Variants in PTPRN2 observed in about 807,000 individuals in gnomAD.
PTPRN2 encodes the protein protein tyrosine phosphatase receptor type N2, also known as receptor-type tyrosine-protein phosphatase N2.
Under a neutral mutation model 118.8 loss-of-function variants are expected in PTPRN2, and 74 were observed. The observed-to-expected ratio is 0.62, with a 90% CI of 0.52 to 0.76. The LOEUF (loss-of-function observed/expected upper bound fraction) is 0.76. PTPRN2 is among the 30% of genes least tolerant of loss of function. The pLI is 0.00. For missense variants in PTPRN2, 1,481 were observed against 1,394.4 expected, an observed-to-expected ratio of 1.06 and a Z score of -0.99; for synonymous variants, 641 against 608.0, an observed-to-expected ratio of 1.05 and a Z score of -0.80.
At chr7:157,919,245 C>G (rs753551615) in intron 11 of PTPRN2, among the ~76,000 whole-genome samples, 2 of 152,106 alleles carry the variant, frequency 1.3e-5, no homozygotes, top group African/African-American at 2.4e-5. Context: ...ATTCTCTAAG[C>G]AAAATCTAAT....
chr7:158,413,254 G>A (rs1356822121), intron 2 of PTPRN2, among the ~76,000 whole-genome samples: 1 of 152,234 alleles, frequency 6.6e-6, no homozygotes, highest in East Asian at 1.9e-4. Flanking sequence ...GCCAAAGTTG[G>A]GTTCAAGATC....
chr7:158,263,021 GCACA>G lies in PTPRN2; in HGVS notation c.277+53794_277+53797del, dbSNP rs150740428. Among the ~76,000 whole-genome samples, 463 of 139,748 alleles carry G rather than the reference GCACA, an allele frequency of 3.3e-3. 4 individuals are homozygous for G. The highest frequency in any genetic ancestry group is 0.012 in the African/African-American group (435 of 35,544). 91.7% of individuals were successfully genotyped at this position (139,748 alleles called of 152,430 possible). A position where few individuals can be genotyped will look rare whatever the true frequency, so the allele number is the denominator to read the frequency against. On this transcript the variant is annotated intron_variant, in intron 3 of 22. Coordinates refer to ENST00000389418, the MANE Select transcript of PTPRN2 (RefSeq NM_002847.5). ...TTGCACACACACATTCACACACAGT[GCACA>G]CATACATATTCACAAAATGCACATA...
At position 157,763,369 on chromosome 7, in the gene PTPRN2, C is replaced by T. The variant is rs546743682; in HGVS notation, c.1789-80432G>A. 1.3e-5 allele frequency among the ~76,000 whole-genome samples: 2 copies of T among 152,340 alleles called. No homozygotes were observed. Among genetic ancestry groups the T allele is most frequent in the South Asian group, 2.1e-4 (1 of 4,830 alleles). On this transcript the variant is annotated intron_variant, in intron 12 of 22. Coordinates refer to ENST00000389418, the MANE Select transcript of PTPRN2 (RefSeq NM_002847.5). This position sits in a 1 kb window ranked among gnomAD's most constrained non-coding sequence, Gnocchi z 4.9. ...CACAGACTCCAGCTCTCCAGAGGCC[C>T]AAGACAGCCTGCCCCAGTCACTGTG...
intron 20 of PTPRN2, among the ~76,000 whole-genome samples, chr7:157,571,043 A>G (rs221297): frequency 0.95 from 144,989 of 152,030 alleles, 69,269 homozygotes; most frequent in Middle Eastern, 1. Flanking sequence ...TCAGGAGTTC[A>G]AGACCAGCCT....
intron 6 of PTPRN2, among the ~76,000 whole-genome samples, chr7:158,164,237 C>A (rs1296129766): frequency 6.6e-6 from 1 of 151,486 alleles, no homozygotes; most frequent in Non-Finnish European, 1.5e-5. Flanking sequence ...GAAGGGCTCG[C>A]AGAGCAGGAG....
rs1341979597 is a variant in PTPRN2, at chr7:157,988,094, G to A, written c.1724-89357C>T. On this transcript the variant is annotated intron_variant, in intron 11 of 22. Transcript: ENST00000389418. ...AGGGTCAAAGCTGCCTCATGCAGAC[G>A]GAGAGGAGAAGCTGCGTTCCCTGCC... 4.6e-5 allele frequency among the ~76,000 whole-genome samples: 7 copies of A among 152,290 alleles called. No homozygotes were observed. In the East Asian group the frequency reaches 9.7e-4, roughly 21 times the overall value.
At chr7:157,703,860 TC>T (rs1240756227) in intron 12 of PTPRN2, among the ~76,000 whole-genome samples, 2 of 152,140 alleles carry the variant, frequency 1.3e-5, no homozygotes, top group Non-Finnish European at 2.9e-5. Flanking sequence ...AGGCTGCCTC[TC>T]CCCTGCCCTC....
At chr7:157,822,983 C>T (rs1337888142) in intron 12 of PTPRN2, among the ~76,000 whole-genome samples, 1 of 152,152 alleles carries the variant, frequency 6.6e-6, no homozygotes, top group Non-Finnish European at 1.5e-5. Flanking sequence ...AAGCATTCAT[C>T]CATCCACCCA....
intron 3 of PTPRN2, among the ~76,000 whole-genome samples, chr7:158,245,594 A>G (rs1410043594): frequency 6.6e-6 from 1 of 152,098 alleles, no homozygotes; most frequent in Non-Finnish European, 1.5e-5. Flanking sequence ...ACCCTGATCC[A>G]TTACTAGGTG....
intron 11 of PTPRN2, among the ~76,000 whole-genome samples, chr7:158,071,278 C>T (rs186886671): frequency 0.031 from 770 of 24,790 alleles, 24 homozygotes; most frequent in Admixed American, 0.057. Flanking sequence ...GTGGAGGTGC[C>T]CGTGGTGGTG....
At chr7:157,839,961 C>T (rs927546473) in intron 12 of PTPRN2, among the ~76,000 whole-genome samples, 30 of 134,034 alleles carry the variant, frequency 2.2e-4, no homozygotes, top group African/African-American at 7.0e-4. Context: ...TGTGTGGCCA[C>T]GTGTGACTGT....
In PTPRN2 at chr7:157,618,116, C is replaced by T. The variant is rs1429697923; in HGVS notation, c.2344+3246G>A. 6.6e-6 allele frequency: 1 copy of T among 152,256 alleles called. No homozygotes were observed. Among genetic ancestry groups the T allele is most frequent in the Non-Finnish European group, 1.5e-5 (1 of 68,078 alleles). 9.4% of individuals were successfully genotyped at this position (152,256 alleles called of 1,614,324 possible). A position where few individuals can be genotyped will look rare whatever the true frequency, so the allele number is the denominator to read the frequency against. ...TGTGTTTCCTTCTCCTTTGGGGGCT[C>T]ATTCCGATCAGGGTGCATCTGGGAA... On this transcript the variant is annotated intron_variant, in intron 15 of 22. Transcript: ENST00000389418. The surrounding 1 kb of genome is among the most constrained non-coding windows in gnomAD (Gnocchi z 4.2).
intron 12 of PTPRN2, among the ~76,000 whole-genome samples, chr7:157,685,161 G>T (rs1797116832): frequency 6.6e-6 from 1 of 151,820 alleles, no homozygotes; most frequent in Non-Finnish European, 1.5e-5. Context: ...CGGCGCGACC[G>T]GCGGAGGGGG....
At chr7:157,689,824 C>G (rs1181135248) in intron 12 of PTPRN2, among the ~76,000 whole-genome samples, 1 of 152,202 alleles carries the variant, frequency 6.6e-6, no homozygotes, top group Non-Finnish European at 1.5e-5. Context: ...AACGCCTCTC[C>G]CTGCAGGCCC....
chr7:157,988,451 A>G (rs1399543203), intron 11 of PTPRN2, among the ~76,000 whole-genome samples: 1 of 152,198 alleles, frequency 6.6e-6, no homozygotes, highest in Admixed American at 6.5e-5. Flanking sequence ...ACGTCTTGAC[A>G]TGGCCCCACA....
intron 3 of PTPRN2, among the ~76,000 whole-genome samples, chr7:158,227,998 G>T (rs1828918895): frequency 6.6e-6 from 1 of 151,328 alleles, no homozygotes. Flanking sequence ...AGTAGTTAAG[G>T]CTTTACATGT....
intron 11 of PTPRN2, among the ~76,000 whole-genome samples, chr7:158,062,146 G>T (rs573829172): frequency 1.3e-5 from 2 of 152,386 alleles, no homozygotes; most frequent in East Asian, 3.9e-4. Context: ...ACTGAGCACA[G>T]AGGTTATCTG....
chr7:157,624,421 CA>C lies in PTPRN2; in HGVS notation c.2197-2913del, dbSNP rs60314148. On this transcript the variant is annotated intron_variant, in intron 14 of 22. Transcript: ENST00000389418. ...GGGTGACCAGAGTGAAACTCCGTCT[CA>C]AAAAAAAAAAAAGTGCATTGAACAC... is the stretch of plus-strand genomic sequence containing the variant. Among the ~76,000 whole-genome samples, 272 of 137,322 alleles carry C rather than the reference CA, an allele frequency of 2.0e-3. 1 individual carries two copies. Among genetic ancestry groups the C allele is most frequent in the Middle Eastern group, 3.8e-3 (1 of 260 alleles). 90.1% of individuals were successfully genotyped at this position (137,322 alleles called of 152,430 possible). A position where few individuals can be genotyped will look rare whatever the true frequency, so the allele number is the denominator to read the frequency against.
intron 2 of PTPRN2, among the ~76,000 whole-genome samples, chr7:158,336,688 C>T (rs371281623): frequency 1.1e-5 from 1 of 94,900 alleles, no homozygotes; most frequent in Non-Finnish European, 2.5e-5. Flanking sequence ...AGAGCTGACG[C>T]CCGCAGACGT....
Sources: allele counts gnomAD v4.1 joint callset (sites outside exome capture counted in the v4.1 genomes callset), GRCh38; gene constraint gnomAD v4.1.1; non-coding constraint Gnocchi (gnomAD v3.1); transcripts MANE v1.5; gene names NCBI Gene and HGNC (gene_info 2026-07-23, HGNC 2026-07-21).